Variants in IFT43 observed in about 807,000 individuals in gnomAD.
IFT43 encodes the protein intraflagellar transport protein 43 homolog.
Under a neutral mutation model 32.3 loss-of-function variants are expected in IFT43, and 33 were observed. The observed-to-expected ratio is 1.02, with a 90% CI of 0.77 to 1.37. The LOEUF (loss-of-function observed/expected upper bound fraction) is 1.37. Among genes scored for constraint, IFT43 ranks in the 40% most tolerant of loss-of-function variants. The pLI, the probability that IFT43 is intolerant of heterozygous loss-of-function variation, is 0.00. For synonymous variants in IFT43, 93 were observed against 98.2 expected (o/e 0.95, Z 0.31); for missense variants, 274 against 265.9 (o/e 1.03, Z -0.21).
chr14:76,075,957 A>G (rs934200730), intron 5 of IFT43, among the ~76,000 whole-genome samples: 3 of 152,218 alleles, frequency 2.0e-5, no homozygotes, highest in Admixed American at 2.0e-4. Context: ...GAGAGCTCTG[A>G]ATGTCTGTTG....
intron 5 of IFT43, among the ~76,000 whole-genome samples, chr14:76,075,854 A>G (rs1254589956): frequency 1.3e-5 from 2 of 152,264 alleles, no homozygotes; most frequent in African/African-American, 2.4e-5. Flanking sequence ...GCATTCAGTA[A>G]AACAAAGTTT....
intron 3 of IFT43, 132 bp from the exon 4 acceptor site, chr14:76,058,510 G>C: frequency 1.0e-6 from 1 of 993,336 alleles, no homozygotes; most frequent in Non-Finnish European, 1.5e-6. Flanking sequence ...TGTCTCTAAA[G>C]AGGACTGCAG....
At position 76,076,661 on chromosome 14, in the gene IFT43, G is replaced by A. The variant is rs17783366; in HGVS notation, c.296-5634G>A. ...ATGCTATCACAAAACGCATCACAGAGATTTGGGGCTGGCTTCATTGGAAGA... is the reference window on the plus strand; with the variant it reads ...ATGCTATCACAAAACGCATCACAGAAATTTGGGGCTGGCTTCATTGGAAGA... On this transcript the variant is annotated intron_variant, in intron 5 of 8. Transcript: ENST00000314067. 0.3 allele frequency: 480,809 copies of A among 1,613,410 alleles called. 75,335 individuals carry two copies. Among genetic ancestry groups the A allele is most frequent in the Non-Finnish European group, 0.33 (388,981 of 1,179,476 alleles).
intron 3 of IFT43, among the ~76,000 whole-genome samples, chr14:76,034,644 C>T (rs2036567191): frequency 6.6e-6 from 1 of 152,210 alleles, no homozygotes; most frequent in Non-Finnish European, 1.5e-5. Flanking sequence ...ATATGAGTTT[C>T]TGGGATACCT....
rs887025833 is a variant in IFT43, at chr14:76,031,038, A to G, written c.215+8644A>G. The stretch of plus-strand genomic sequence containing the variant: ...CATATGTGTATATATATATAATTAT[A>G]TATACATACATAAAAATTATATAAT... On this transcript the variant is annotated intron_variant, in intron 3 of 8. Coordinates refer to ENST00000314067, the MANE Select transcript of IFT43 (RefSeq NM_001102564.3). Among the ~76,000 whole-genome samples, 6 of 147,956 alleles carry G rather than the reference A, an allele frequency of 4.1e-5. No individual in the cohort carries two copies. In the South Asian group the frequency reaches 1.3e-3, roughly 31 times the overall value.
chr14:75,986,355 T>G, intron 1 of IFT43: 1 of 1,140,214 alleles, frequency 8.8e-7, no homozygotes, highest in South Asian at 1.6e-5. Context: ...ACCTCAGTAG[T>G]TAAGGAAACC....
At chr14:76,051,791 ATC>A (rs1458660922) in intron 3 of IFT43, among the ~76,000 whole-genome samples, 5 of 152,230 alleles carry the variant, frequency 3.3e-5, no homozygotes, top group African/African-American at 1.2e-4. Flanking sequence ...CGTAGTTGGT[ATC>A]TCTTTCCTGC....
At chr14:76,052,390 T>C (rs961389971) in intron 3 of IFT43, among the ~76,000 whole-genome samples, 1 of 152,154 alleles carries the variant, frequency 6.6e-6, no homozygotes, top group African/African-American at 2.4e-5. Flanking sequence ...GCCTCTTCTG[T>C]CTGGTGAAGG....
At chr14:76,026,016 TAG>T (rs906368236) in intron 3 of IFT43, among the ~76,000 whole-genome samples, 1 of 152,042 alleles carries the variant, frequency 6.6e-6, no homozygotes, top group African/African-American at 2.4e-5. Flanking sequence ...GCAGACAACC[TAG>T]AGAATGGGAG....
At chr14:75,999,266 TATATATGTA>T (rs2035829495) in intron 2 of IFT43, among the ~76,000 whole-genome samples, 21 of 25,328 alleles carry the variant, frequency 8.3e-4, no homozygotes, top group African/African-American at 2.8e-3. Context: ...TATATATATA[TATATATGTA>T]TATATATTTT....
At chr14:76,016,920 C>T (rs1442025439) in intron 2 of IFT43, among the ~76,000 whole-genome samples, 1 of 152,066 alleles carries the variant, frequency 6.6e-6, no homozygotes, top group Non-Finnish European at 1.5e-5. Flanking sequence ...TCACTGAATT[C>T]ATTTATTCAT....
intron 5 of IFT43, among the ~76,000 whole-genome samples, chr14:76,071,827 T>C (rs933072070): frequency 2.0e-5 from 3 of 152,048 alleles, no homozygotes; most frequent in Admixed American, 1.3e-4. Flanking sequence ...CGAGTGGCTC[T>C]TTGGGGCTGG....
intron 2 of IFT43, among the ~76,000 whole-genome samples, chr14:76,009,891 T>C (rs1273361650): frequency 4.6e-5 from 7 of 152,006 alleles, no homozygotes; most frequent in Non-Finnish European, 7.4e-5. Context: ...GCCTCCTGGG[T>C]TCCAGCGATT....
intron 3 of IFT43, among the ~76,000 whole-genome samples, chr14:76,042,105 A>G (rs2036718645): frequency 7.7e-6 from 1 of 130,536 alleles, no homozygotes; most frequent in Admixed American, 7.8e-5. Flanking sequence ...TGTATGGACG[A>G]GGACACACAC....
At chr14:76,034,402 C>T (rs2036562171) in intron 3 of IFT43, among the ~76,000 whole-genome samples, 1 of 152,138 alleles carries the variant, frequency 6.6e-6, no homozygotes, top group Admixed American at 6.5e-5. Context: ...CTCTGAAAGT[C>T]CCACCTCCAA....
intron 2 of IFT43, among the ~76,000 whole-genome samples, chr14:76,010,685 A>G (rs1020099464): frequency 1.4e-4 from 22 of 152,028 alleles, no homozygotes; most frequent in African/African-American, 4.3e-4. Flanking sequence ...TATATCTAAA[A>G]AAAAAGATAT....
At chr14:75,988,841 C>T (rs2139860152) in intron 1 of IFT43, 44 bp from the exon 2 acceptor site, 1 of 1,612,864 alleles carries the variant, frequency 6.2e-7, no homozygotes, top group Middle Eastern at 1.7e-4. Flanking sequence ...AGTAGTGGCC[C>T]AAATGACATT....
chr14:76,019,625 G>T (rs2036253762), intron 2 of IFT43, among the ~76,000 whole-genome samples: 1 of 152,104 alleles, frequency 6.6e-6, no homozygotes, highest in Admixed American at 6.5e-5. Context: ...TTCAAGACTT[G>T]AGAAGTTTTC....
At chr14:76,081,407 C>A (rs150298977) in intron 5 of IFT43, among the ~76,000 whole-genome samples, 1 of 152,228 alleles carries the variant, frequency 6.6e-6, no homozygotes, top group East Asian at 1.9e-4. Context: ...CCTTCTCCCC[C>A]ACCCCTGACC....
Sources: gnomAD v4.1 joint callset for allele counts (sites outside exome capture counted in the v4.1 genomes callset) on GRCh38, gnomAD v4.1.1 for gene constraint, MANE v1.5 for transcripts, NCBI Gene and HGNC (gene_info 2026-07-23, HGNC 2026-07-21) for gene names.